CAPN3: variants seen among roughly 807,000 people sequenced by gnomAD.
CAPN3 encodes calpain 3, also known as calpain-3.
Under a neutral mutation model 114.0 loss-of-function variants are expected in CAPN3, and 88 were observed. That is an observed-to-expected ratio of 0.77 (90% confidence interval 0.65 to 0.92). The LOEUF (loss-of-function observed/expected upper bound fraction) is 0.92. CAPN3 is among the 40% of genes least tolerant of loss of function. CAPN3 has a pLI of 0.00. For synonymous variants in CAPN3, 386 were observed against 382.9 expected, an observed-to-expected ratio of 1.01 and a Z score of -0.09; for missense variants, 1,028 against 1,069.0, an observed-to-expected ratio of 0.96 and a Z score of 0.53.
chr15:42,403,649 T>G, intron 13 of CAPN3, 92 bp from the exon 14 acceptor site: 1 of 1,223,772 alleles, frequency 8.2e-7, no homozygotes, highest in South Asian at 1.2e-5. Context: ...CTGGCTTGGC[T>G]GCCAGGAAGC....
At chr15:42,393,595 C>CTTTT (rs199564761) in intron 7 of CAPN3, among the ~76,000 whole-genome samples, 8 of 128,846 alleles carry the variant, frequency 6.2e-5, no homozygotes, top group Non-Finnish European at 1.0e-4. Context: ...TTCTTTCTTT[C>CTTTT]TTTTTTTTTT....
intron 6 of CAPN3, among the ~76,000 whole-genome samples, chr15:42,392,264 G>C (rs1453537051): frequency 3.9e-5 from 6 of 152,136 alleles, no homozygotes; most frequent in Non-Finnish European, 4.4e-5. Context: ...GTCAACCCTG[G>C]ATGGCTTCAG....
intron 22 of CAPN3, 37 bp from the exon 23 acceptor site, chr15:42,411,249 GC>G: frequency 6.4e-7 from 1 of 1,568,694 alleles, no homozygotes; most frequent in Admixed American, 1.7e-5. Flanking sequence ...GGCGGAGTGC[GC>G]CTGTAACTGG....
intron 16 of CAPN3, 56 bp from the exon 17 acceptor site, chr15:42,409,247 C>T (rs1343934729): frequency 3.8e-6 from 6 of 1,564,418 alleles, no homozygotes; most frequent in Non-Finnish European, 4.4e-6. Flanking sequence ...GAGCTTGCCT[C>T]ACAGGCCTGT....
Position 42,394,523 on chromosome 15 carries a change from G to A in CAPN3, c.1115+182G>A, listed in dbSNP as rs1207821950. Among the ~76,000 whole-genome samples the A allele has an allele frequency of 3.9e-5, 6 of 152,276 alleles. No homozygotes were observed. In the East Asian group the frequency reaches 7.7e-4, roughly 20 times the overall value. On this transcript the variant is annotated intron_variant, in intron 8 of 23. Transcript: ENST00000397163. ...CCAGGGAAGGGCCAGGAGTGGAAGC[G>A]GGGTGCTGGGGACCCAGAGAGGTTG...
Position 42,412,043 on chromosome 15 carries a change from C to A in CAPN3, c.*270C>A. The A allele has an allele frequency of 6.6e-7, 1 of 1,519,566 alleles. No homozygotes were observed. The highest frequency in any genetic ancestry group is 8.8e-7 in the Non-Finnish European group (1 of 1,138,814). 94.1% of individuals were successfully genotyped at this position (1,519,566 alleles called of 1,614,324 possible). On this transcript the variant is annotated 3_prime_UTR_variant, in exon 24 of 24. Transcript: ENST00000397163. ...GAAAGTGCCTGCCTCTGGTCCGAGC[C>A]GCCTCGGTTCTGAAGCGAGTGCTCC...
rs1051798261 is a variant in CAPN3, at chr15:42,396,846, C to T, written c.1162C>T (p.Gln388Ter). Residue 388 changes from glutamine (Q) to a stop codon, truncating the protein, a stop_gained, in exon 9 of 24, where the codon CAG (glutamine) becomes TAG (stop). Transcript: ENST00000397163. LOFTEE classifies it high-confidence loss of function. ...FVDKDEKARLQHQVTEDGEFW... is the reference protein window; with the variant it reads ...FVDKDEKARL ...GGACAAAGATGAGAAGGCCCGTCTG[C>T]AGCACCAGGTCACTGAGGATGGAGA... is the stretch of plus-strand genomic sequence containing the variant. The T allele has an allele frequency of 6.8e-6, 11 of 1,613,898 alleles. No individual in the cohort carries two copies. Among genetic ancestry groups the T allele is most frequent in the African/African-American group, 1.3e-5 (1 of 75,040 alleles).
intron 8 of CAPN3, 120 bp downstream of exon 8, chr15:42,394,461 C>A: frequency 1.2e-6 from 1 of 814,288 alleles, no homozygotes; most frequent in Non-Finnish European, 2.0e-6. Context: ...CCCTCAAAAC[C>A]AATGATCCGC....
chr15:42,395,850 C>T (rs2053674039), intron 8 of CAPN3, among the ~76,000 whole-genome samples: 1 of 152,188 alleles, frequency 6.6e-6, no homozygotes, highest in South Asian at 2.1e-4. Context: ...CTTACCTTTC[C>T]AGGGAGCACC....
Position 42,412,218 on chromosome 15 carries a change from C to G in CAPN3, c.*445C>G, listed in dbSNP as rs746240841. The G allele has an allele frequency of 7.2e-6, 11 of 1,531,880 alleles. No homozygotes were observed. The highest frequency in any genetic ancestry group is 9.6e-6 in the Non-Finnish European group (11 of 1,143,450). 94.9% of individuals were successfully genotyped at this position (1,531,880 alleles called of 1,614,324 possible). A position where few individuals can be genotyped will look rare whatever the true frequency, so the allele number is the denominator to read the frequency against. ...GTTCTACTGCTGTGGGGTAAACTAA[C>G]TCAGTGGAATAGGGCTGGTTACTTT... On this transcript the variant is annotated 3_prime_UTR_variant, in exon 24 of 24. Transcript: ENST00000397163.
chr15:42,368,046 G>A (rs145929008), intron 1 of CAPN3, among the ~76,000 whole-genome samples: 8 of 152,320 alleles, frequency 5.3e-5, no homozygotes, highest in Non-Finnish European at 1.0e-4. Flanking sequence ...CATGGAGGAC[G>A]TCAGTGCTAT....
chr15:42,365,907 T>A (rs2052765760), intron 1 of CAPN3, among the ~76,000 whole-genome samples: 1 of 152,192 alleles, frequency 6.6e-6, no homozygotes, highest in Non-Finnish European at 1.5e-5. Flanking sequence ...TTCCTTGTAT[T>A]CTGGTACACA....
rs781378527 is a variant in CAPN3 at position 42,409,922 on chromosome 15, TC to T, written c.2051-3del. 9.3e-6 allele frequency: 15 copies of T among 1,610,414 alleles called. No homozygotes were observed. The highest frequency in any genetic ancestry group is 1.3e-5 in the Non-Finnish European group (15 of 1,178,270). ...CAAAGCAGCTCCTCACTCTTCTCCA[TC>T]CCCCCAGACAAGGACCTGAAGACAC... On this transcript the variant is annotated splice_region_variant and splice_polypyrimidine_tract_variant and intron_variant, in intron 18 of 23. Transcript: ENST00000397163.
chr15:42,385,652 C>T (rs1424971361), intron 2 of CAPN3: 1 of 517,268 alleles, frequency 1.9e-6, no homozygotes, highest in Admixed American at 1.9e-5. Context: ...CATTCCGTTG[C>T]CAGCAATGTC....
chr15:42,405,968 AAGT>A, intron 15 of CAPN3, 25 bp downstream of exon 15: 1 of 1,604,874 alleles, frequency 6.2e-7, no homozygotes, highest in East Asian at 2.2e-5. Context: ...AGAGAGCATG[AAGT>A]GTGTGTACTC....
Position 42,383,684 on chromosome 15 carries a change from T to G in CAPN3, c.310-799T>G, listed in dbSNP as rs1050456005. On this transcript the variant is annotated intron_variant, in intron 1 of 23. Coordinates refer to ENST00000397163, the MANE Select transcript of CAPN3 (RefSeq NM_000070.3). ...TTTATTATTATTATTATTATTTTGA[T>G]TCTCCTGTCTCAGCCTCCCAAGTAG... 3.9e-4 allele frequency among the ~76,000 whole-genome samples: 59 copies of G among 152,078 alleles called. 1 individual carries two copies. The South Asian group carries it at 8.5e-3, about 22-fold the overall frequency.
At chr15:42,394,154 G>A (rs887927358) in intron 7 of CAPN3, 102 bp from the exon 8 acceptor site, 30 of 1,066,966 alleles carry the variant, frequency 2.8e-5, no homozygotes, top group East Asian at 1.3e-4. Flanking sequence ...ACACCCTCGC[G>A]TAAGAGATTT....
At chr15:42,382,808 T>C (rs952885448) in intron 1 of CAPN3, among the ~76,000 whole-genome samples, 3 of 152,248 alleles carry the variant, frequency 2.0e-5, no homozygotes, top group African/African-American at 4.8e-5. Flanking sequence ...TTTAAGTGAC[T>C]TGAAGTAATT....
Position 42,408,336 on chromosome 15 carries a change from TGTG to T in CAPN3, c.1914+14_1914+16del. 1 of 1,575,180 alleles carries T rather than the reference TGTG, an allele frequency of 6.3e-7. No individual in the cohort carries two copies. Among genetic ancestry groups the T allele is most frequent in the Non-Finnish European group, 8.7e-7 (1 of 1,144,722 alleles). Reference sequence around the variant, plus strand: ...AGCAGTCCCCACAGGTGTCTGGGCATGTGGCATGGGTGGGGTGGCCAGCACGCT... The same window carrying T: ...AGCAGTCCCCACAGGTGTCTGGGCATGCATGGGTGGGGTGGCCAGCACGCT... On this transcript the variant is annotated intron_variant, in intron 16 of 23. Transcript: ENST00000397163.
Sources: allele counts gnomAD v4.1 joint callset (sites outside exome capture counted in the v4.1 genomes callset), GRCh38; gene constraint gnomAD v4.1.1; transcripts MANE v1.5; gene names NCBI Gene and HGNC (gene_info 2026-07-23, HGNC 2026-07-21).